VEPH1: variants seen among roughly 807,000 people sequenced by gnomAD.
VEPH1 encodes ventricular zone-expressed PH domain-containing protein homolog 1.
A neutral mutation model predicts 85.2 loss-of-function variants in VEPH1; 80 were observed. The ratio of observed to expected loss-of-function variants is 0.94; its 90% confidence interval spans 0.78 to 1.13. VEPH1 has a LOEUF of 1.13. VEPH1 is among the 50% of genes most tolerant of loss of function. VEPH1 has a pLI of 0.00. For synonymous variants in VEPH1, 297 were observed against 348.0 expected (o/e 0.85, Z 1.63); for missense variants, 955 against 980.5 (o/e 0.97, Z 0.35).
Position 157,488,503 on chromosome 3 carries a change from C to CTTTTTT in VEPH1, c.138+6708_138+6709insAAAAAA. Reference sequence around the variant, plus strand: ...CATGATTTTCTGACTTTCTTTCTTTCTTTCTTTTTTTTTTTTTTTACTGGA... The same window carrying CTTTTTT: ...CATGATTTTCTGACTTTCTTTCTTTCTTTTTTTTTCTTTTTTTTTTTTTTTACTGGA... On this transcript the variant is annotated intron_variant, in intron 2 of 13. Transcript: ENST00000362010. Among the ~76,000 whole-genome samples the CTTTTTT allele has an allele frequency of 2.2e-5, 3 of 134,214 alleles. 1 individual carries two copies. Among genetic ancestry groups the CTTTTTT allele is most frequent in the Non-Finnish European group, 3.1e-5 (2 of 63,508 alleles). The allele number at this position is 134,214 out of a possible 152,430, so 88.0% of individuals were successfully genotyped here.
chr3:157,269,460 A>C (rs1714207683), intron 12 of VEPH1, among the ~76,000 whole-genome samples: 1 of 152,236 alleles, frequency 6.6e-6, no homozygotes, highest in Non-Finnish European at 1.5e-5. Flanking sequence ...AGAACTTTAA[A>C]GTAGCTGAAT....
At chr3:157,483,166 A>AT (rs1390781197) in intron 2 of VEPH1, among the ~76,000 whole-genome samples, 1 of 144,664 alleles carries the variant, frequency 6.9e-6, no homozygotes, top group Non-Finnish European at 1.5e-5. Context: ...TGTGTATATA[A>AT]TGATACATTA....
At chr3:157,473,779 C>A (rs537913110) in intron 2 of VEPH1, among the ~76,000 whole-genome samples, 1 of 152,048 alleles carries the variant, frequency 6.6e-6, no homozygotes, top group East Asian at 1.9e-4. Flanking sequence ...TTATAATTTA[C>A]AATATTAAAG....
At chr3:157,381,878 C>G (rs1158275214) in intron 6 of VEPH1, among the ~76,000 whole-genome samples, 2 of 152,070 alleles carry the variant, frequency 1.3e-5, no homozygotes, top group African/African-American at 2.4e-5. Context: ...TTAATTTATT[C>G]CTGATTTCCA....
At chr3:157,375,323 G>A (rs1248058908) in intron 7 of VEPH1, among the ~76,000 whole-genome samples, 1 of 152,162 alleles carries the variant, frequency 6.6e-6, no homozygotes, top group Non-Finnish European at 1.5e-5. Context: ...TACTTTCAAG[G>A]TCTTGGACAA....
At chr3:157,439,005 AGAG>A (rs1733903690) in intron 4 of VEPH1, among the ~76,000 whole-genome samples, 1 of 152,216 alleles carries the variant, frequency 6.6e-6, no homozygotes, top group Non-Finnish European at 1.5e-5. Context: ...TTATGTAATG[AGAG>A]CATGTTTCAT....
chr3:157,304,038 T>TATATATATATATATATAC, intron 11 of VEPH1, among the ~76,000 whole-genome samples: 44 of 96,898 alleles, frequency 4.5e-4, no homozygotes, highest in South Asian at 1.4e-3. Flanking sequence ...TATATATATA[T>TATATATATATATATATAC]ACACACATAC....
chr3:157,403,503 G>A (rs1046220685), intron 6 of VEPH1, among the ~76,000 whole-genome samples: 2 of 151,960 alleles, frequency 1.3e-5, no homozygotes, highest in African/African-American at 4.8e-5. Flanking sequence ...ATAGCTCACT[G>A]CCTTGAACTC....
At chr3:157,428,574 C>G in intron 4 of VEPH1, 86 bp from the exon 5 acceptor site, 2 of 1,328,356 alleles carry the variant, frequency 1.5e-6, no homozygotes, top group Non-Finnish European at 2.1e-6. Context: ...ATAATATTTG[C>G]ACTTACACAT....
chr3:157,492,999 GA>G (rs1281742261), intron 2 of VEPH1, among the ~76,000 whole-genome samples: 1 of 152,008 alleles, frequency 6.6e-6, no homozygotes, highest in African/African-American at 2.4e-5. Context: ...AACTACTGGG[GA>G]AAAACTTCTG....
chr3:157,407,024 A>G (rs1577582273), intron 6 of VEPH1, among the ~76,000 whole-genome samples: 1 of 152,102 alleles, frequency 6.6e-6, no homozygotes, highest in Non-Finnish European at 1.5e-5. Context: ...TGCCATTCCT[A>G]AAGTGTTCTC....
intron 9 of VEPH1, among the ~76,000 whole-genome samples, chr3:157,360,840 A>G (rs1353490522): frequency 5.9e-5 from 9 of 152,198 alleles, no homozygotes; most frequent in Non-Finnish European, 8.8e-5. Context: ...ATCAGGGACC[A>G]TCTGTAATTT....
intron 4 of VEPH1, among the ~76,000 whole-genome samples, chr3:157,432,336 AT>A (rs1295745599): frequency 6.6e-6 from 1 of 151,616 alleles, no homozygotes; most frequent in Non-Finnish European, 1.5e-5. Flanking sequence ...AACTGTTTTC[AT>A]TTTTTTACTT....
At chr3:157,431,138 CT>C (rs1733116004) in intron 4 of VEPH1, among the ~76,000 whole-genome samples, 1 of 152,138 alleles carries the variant, frequency 6.6e-6, no homozygotes. Context: ...CTCATGAGAT[CT>C]GATGGTTTAA....
chr3:157,467,125 A>ATGTGTG (rs57109409), intron 3 of VEPH1, among the ~76,000 whole-genome samples: 6,159 of 145,320 alleles, frequency 0.042, 301 homozygotes, highest in African/African-American at 0.12. Flanking sequence ...GTGTGTGTGT[A>ATGTGTG]TGTGTGTGTG....
chr3:157,302,889 G>A (rs1341778803), intron 11 of VEPH1, among the ~76,000 whole-genome samples: 1 of 150,822 alleles, frequency 6.6e-6, no homozygotes, highest in Admixed American at 6.7e-5. Flanking sequence ...TTTTGGGTAG[G>A]TGTGACCATC....
At chr3:157,367,967 G>T (rs554365260) in intron 7 of VEPH1, among the ~76,000 whole-genome samples, 1 of 152,238 alleles carries the variant, frequency 6.6e-6, no homozygotes, top group East Asian at 1.9e-4. Flanking sequence ...TATAGAAAAT[G>T]TCCTAAGATA....
intron 4 of VEPH1, among the ~76,000 whole-genome samples, chr3:157,450,917 A>G (rs1466232467): frequency 6.6e-6 from 1 of 152,148 alleles, no homozygotes; most frequent in Admixed American, 6.5e-5. Flanking sequence ...TATAGTAAGC[A>G]CTCAGCAAAT....
At chr3:157,314,582 G>A (rs1720538170) in intron 10 of VEPH1, among the ~76,000 whole-genome samples, 1 of 151,426 alleles carries the variant, frequency 6.6e-6, no homozygotes, top group African/African-American at 2.4e-5. Flanking sequence ...CAAAGATCTG[G>A]GAATTAAAGA....
Sources: allele counts gnomAD v4.1 joint callset (sites outside exome capture counted in the v4.1 genomes callset), GRCh38; gene constraint gnomAD v4.1.1; transcripts MANE v1.5; gene names NCBI Gene and HGNC (gene_info 2026-07-23, HGNC 2026-07-21).